The following SLC9B1 variants were observed in gnomAD, a reference collection of about 807,000 sequenced individuals.
SLC9B1 encodes the protein sodium/hydrogen exchanger 9B1.
In SLC9B1, 32 loss-of-function variants were observed where a neutral mutation model predicts 51.7. The observed-to-expected ratio is 0.62, with a 90% confidence interval of 0.47 to 0.83. The LOEUF is 0.83. SLC9B1 is among the 40% of genes least tolerant of loss of function. SLC9B1 has a pLI of 0.00. For synonymous variants in SLC9B1, 145 were observed against 212.7 expected, an observed-to-expected ratio of 0.68 and a Z score of 2.77; for missense variants, 406 against 613.2, an observed-to-expected ratio of 0.66 and a Z score of 3.57.
chr4:102,975,105 G>A (rs1738982790), intron 3 of SLC9B1, among the ~76,000 whole-genome samples: 1 of 152,080 alleles, frequency 6.6e-6, no homozygotes, highest in African/African-American at 2.4e-5. Context: ...TGGGCTCCAG[G>A]GACCCTCTGC....
chr4:103,008,622 G>A (rs1271743515), intron 1 of SLC9B1, among the ~76,000 whole-genome samples: 1 of 151,650 alleles, frequency 6.6e-6, no homozygotes, highest in African/African-American at 2.4e-5. Flanking sequence ...ATCTCAAGTG[G>A]TCCGCCAGCC....
intron 11 of SLC9B1, among the ~76,000 whole-genome samples, chr4:102,894,704 C>T (rs1000223629): frequency 2.0e-5 from 3 of 152,220 alleles, no homozygotes; most frequent in Non-Finnish European, 4.4e-5. Context: ...TACCTGTAAT[C>T]TCAGCACTTT....
chr4:102,989,471 T>C (rs915162236), intron 3 of SLC9B1, among the ~76,000 whole-genome samples: 1 of 152,010 alleles, frequency 6.6e-6, no homozygotes, highest in Non-Finnish European at 1.5e-5. Context: ...TCCAAAATTA[T>C]AATGTTCTTT....
chr4:102,904,130 C>G (rs1261561325), intron 11 of SLC9B1, among the ~76,000 whole-genome samples: 1 of 151,768 alleles, frequency 6.6e-6, no homozygotes, highest in Non-Finnish European at 1.5e-5. Flanking sequence ...GTGACCTCAG[C>G]TCATTGCAGC....
At chr4:102,939,764 A>C (rs1422398375) in intron 6 of SLC9B1, among the ~76,000 whole-genome samples, 2 of 152,348 alleles carry the variant, frequency 1.3e-5, no homozygotes, top group East Asian at 3.9e-4. Flanking sequence ...ACAAACCAAT[A>C]AATGTGATTC....
chr4:102,974,160 T>G (rs7659468), intron 3 of SLC9B1, among the ~76,000 whole-genome samples: 81,152 of 146,674 alleles, frequency 0.55, 22,685 homozygotes, highest in African/African-American at 0.68. Context: ...TTGCTTGAGC[T>G]GGGGAGGCAG....
chr4:102,942,856 A>G (rs1011017631), intron 6 of SLC9B1, among the ~76,000 whole-genome samples: 8 of 152,162 alleles, frequency 5.3e-5, no homozygotes, highest in Admixed American at 1.3e-4. Context: ...AAGCTTCTAC[A>G]CAGCAAAAGA....
intron 1 of SLC9B1, among the ~76,000 whole-genome samples, 181 bp from the exon 2 acceptor site, chr4:102,991,893 C>A (rs572517896): frequency 6.6e-6 from 1 of 152,004 alleles, no homozygotes; most frequent in Non-Finnish European, 1.5e-5. Flanking sequence ...ACATTATTAA[C>A]CAAAGCCATA....
chr4:102,885,227 C>T (rs2110400226), exon 12 of SLC9B1: 1 of 1,613,960 alleles, frequency 6.2e-7, no homozygotes, highest in East Asian at 2.2e-5. Flanking sequence ...TTCAGAATGG[C>T]TTCGGTTATT....
intron 3 of SLC9B1, among the ~76,000 whole-genome samples, chr4:102,968,582 A>C (rs2110495941): frequency 6.6e-6 from 1 of 152,370 alleles, no homozygotes; most frequent in African/African-American, 2.4e-5. Context: ...CCGAATAGGA[A>C]CAGCTCCTGT....
chr4:103,003,241 GA>G (rs1012275869), intron 1 of SLC9B1, among the ~76,000 whole-genome samples: 8 of 152,102 alleles, frequency 5.3e-5, no homozygotes, highest in African/African-American at 1.9e-4. Context: ...TCTATCATCT[GA>G]AATGCTCTAT....
At chr4:102,885,097 C>A in exon 12 of SLC9B1, 2 of 797,630 alleles carry the variant, frequency 2.5e-6, no homozygotes, top group Non-Finnish European at 4.4e-6. Context: ...TTTTATGGAT[C>A]CATTAAAAAG....
At chr4:102,891,422 T>G (rs1332168397) in intron 11 of SLC9B1, 7 of 152,100 alleles carry the variant, frequency 4.6e-5, no homozygotes, top group Non-Finnish European at 1.0e-4. Flanking sequence ...TTGAGACAAT[T>G]TATAGGATTC....
chr4:102,977,011 A>G (rs1739106650), intron 3 of SLC9B1, among the ~76,000 whole-genome samples: 1 of 152,038 alleles, frequency 6.6e-6, no homozygotes, highest in African/African-American at 2.4e-5. Context: ...TTATCCAGAT[A>G]TGGTGACATG....
At chr4:102,900,268 A>C (rs1044185443), downstream of SLC9B1, among the ~76,000 whole-genome samples, 1 of 152,184 alleles carries the variant, frequency 6.6e-6, no homozygotes, top group African/African-American at 2.4e-5. Context: ...AGTTAATTAA[A>C]ACTCACTTTG....
At chr4:102,900,575 T>C (rs1734738463), downstream of SLC9B1, among the ~76,000 whole-genome samples, 1 of 152,188 alleles carries the variant, frequency 6.6e-6, no homozygotes, top group Non-Finnish European at 1.5e-5. Context: ...CTAACTTGGT[T>C]CTATTACTGA....
At chr4:102,889,456 C>T (rs912853936) in intron 11 of SLC9B1, 2 of 152,226 alleles carry the variant, frequency 1.3e-5, no homozygotes, top group African/African-American at 4.8e-5. Flanking sequence ...TGTTTTCACA[C>T]ATGTTCTAGT....
chr4:102,989,421 T>G (rs1166788203), intron 3 of SLC9B1, among the ~76,000 whole-genome samples: 1 of 152,046 alleles, frequency 6.6e-6, no homozygotes, highest in Non-Finnish European at 1.5e-5. Context: ...GCTGCTGTTT[T>G]AAAACTTAGG....
At chr4:102,915,853 T>C (rs916290060) in intron 7 of SLC9B1, among the ~76,000 whole-genome samples, 1 of 152,176 alleles carries the variant, frequency 6.6e-6, no homozygotes, top group Non-Finnish European at 1.5e-5. Flanking sequence ...GTTAAGTTGT[T>C]GTCAATTTAA....
Sources: gnomAD v4.1 joint callset for allele counts (sites outside exome capture counted in the v4.1 genomes callset) on GRCh38, gnomAD v4.1.1 for gene constraint, MANE v1.5 for transcripts, NCBI Gene and HGNC (gene_info 2026-07-23, HGNC 2026-07-21) for gene names.